MIPOL1: variants seen among roughly 807,000 people sequenced by gnomAD.
MIPOL1 encodes the protein mirror-image polydactyly 1, also known as mirror-image polydactyly gene 1 protein.
A neutral mutation model predicts 60.9 loss-of-function variants in MIPOL1; 57 were observed. That is an observed-to-expected ratio of 0.94 (90% CI 0.76 to 1.17). The LOEUF (loss-of-function observed/expected upper bound fraction) is 1.17. Among genes scored for constraint, MIPOL1 ranks in the 50% most tolerant of loss-of-function variants. MIPOL1 has a pLI of 0.00. For synonymous variants in MIPOL1, 179 were observed against 168.8 expected, an observed-to-expected ratio of 1.06 and a Z score of -0.47; for missense variants, 551 against 511.6, an observed-to-expected ratio of 1.08 and a Z score of -0.74.
chr14:37,427,464 G>T (rs1438857465), intron 11 of MIPOL1, among the ~76,000 whole-genome samples: 1 of 152,144 alleles, frequency 6.6e-6, no homozygotes, highest in Non-Finnish European at 1.5e-5. Context: ...CATAGAGTGG[G>T]ATGATGAAAA....
intron 1 of MIPOL1, among the ~76,000 whole-genome samples, chr14:37,204,256 T>G (rs1452945700): frequency 6.6e-6 from 1 of 152,212 alleles, no homozygotes; most frequent in Non-Finnish European, 1.5e-5. Flanking sequence ...TTTTAGCAAC[T>G]GTGAGATTGC....
At chr14:37,386,797 G>A (rs985331919) in intron 10 of MIPOL1, among the ~76,000 whole-genome samples, 2 of 151,904 alleles carry the variant, frequency 1.3e-5, no homozygotes, top group African/African-American at 4.8e-5. Context: ...GTGTTAAAAG[G>A]CATAAAGCAA....
intron 12 of MIPOL1, among the ~76,000 whole-genome samples, chr14:37,514,203 C>T (rs2095351297): frequency 1.3e-5 from 2 of 152,020 alleles, no homozygotes; most frequent in South Asian, 2.1e-4. Context: ...TTCTTTTGTT[C>T]TTAGCTGCAG....
intron 10 of MIPOL1, chr14:37,401,984 A>AT (rs1566530294): frequency 3.3e-5 from 5 of 152,042 alleles, no homozygotes; most frequent in Admixed American, 2.6e-4. Context: ...TTGCTTTAAA[A>AT]TTTTTTCCTT....
At chr14:37,523,936 T>TTC (rs2095430114) in intron 12 of MIPOL1, among the ~76,000 whole-genome samples, 1 of 152,246 alleles carries the variant, frequency 6.6e-6, no homozygotes, top group South Asian at 2.1e-4. Context: ...AGAAAAAGCC[T>TTC]TCTGTATGGA....
At chr14:37,401,106 T>A (rs575366868) in intron 10 of MIPOL1, 2 of 152,022 alleles carry the variant, frequency 1.3e-5, no homozygotes, top group South Asian at 4.1e-4. Flanking sequence ...GACAAAAATA[T>A]AAATAATGAT....
At chr14:37,379,559 A>G (rs1041856072) in intron 10 of MIPOL1, among the ~76,000 whole-genome samples, 2 of 152,132 alleles carry the variant, frequency 1.3e-5, no homozygotes, top group African/African-American at 4.8e-5. Context: ...TTTACAAATC[A>G]TATATCTGGC....
intron 10 of MIPOL1, among the ~76,000 whole-genome samples, chr14:37,412,472 T>A (rs2093695332): frequency 6.6e-6 from 1 of 152,136 alleles, no homozygotes; most frequent in Admixed American, 6.6e-5. Flanking sequence ...CATTATATAC[T>A]GTACAGCAAT....
chr14:37,297,361 A>C (rs763442545), intron 7 of MIPOL1, among the ~76,000 whole-genome samples: 1 of 152,202 alleles, frequency 6.6e-6, no homozygotes, highest in Non-Finnish European at 1.5e-5. Flanking sequence ...CTGAATGAAC[A>C]AAAACTGGAA....
At chr14:37,434,663 T>A (rs1200829085) in intron 11 of MIPOL1, 2 of 152,050 alleles carry the variant, frequency 1.3e-5, no homozygotes, top group African/African-American at 4.8e-5. Flanking sequence ...TCGCCTCGAC[T>A]TCCCAGTGTT....
chr14:37,535,053 CTA>C (rs2095499826), intron 12 of MIPOL1, among the ~76,000 whole-genome samples: 1 of 152,012 alleles, frequency 6.6e-6, no homozygotes, highest in Admixed American at 6.5e-5. Flanking sequence ...TAATTATTCT[CTA>C]TGTTCTCATT....
chr14:37,494,686 TA>T (rs1566712971), intron 11 of MIPOL1, among the ~76,000 whole-genome samples: 1 of 152,128 alleles, frequency 6.6e-6, no homozygotes, highest in Non-Finnish European at 1.5e-5. Flanking sequence ...TTTGTATCAG[TA>T]AAAAAAGGAA....
Position 37,253,118 on chromosome 14 carries a change from A to G in MIPOL1, c.19+5211A>G, listed in dbSNP as rs186148165. On this transcript the variant is annotated intron_variant, in intron 3 of 12. Transcript: ENST00000684589. Reference sequence around the variant, plus strand: ...AAGTAATGGTATATTTTTCATGAAGAAGAAATATAGTTAGTGGTTTTAGCT... The same window carrying G: ...AAGTAATGGTATATTTTTCATGAAGGAGAAATATAGTTAGTGGTTTTAGCT... 1.7e-3 allele frequency among the ~76,000 whole-genome samples: 258 copies of G among 151,946 alleles called. 5 individuals are homozygous for G. The highest frequency in any genetic ancestry group is 4.7e-4 in the Non-Finnish European group (32 of 67,778).
chr14:37,426,295 T>C (rs1466764164), intron 11 of MIPOL1, among the ~76,000 whole-genome samples: 1 of 151,670 alleles, frequency 6.6e-6, no homozygotes, highest in Non-Finnish European at 1.5e-5. Flanking sequence ...TCCAACCCCC[T>C]ACATAAAGTA....
chr14:37,261,033 C>T (rs973025953), intron 3 of MIPOL1, among the ~76,000 whole-genome samples: 1 of 151,920 alleles, frequency 6.6e-6, no homozygotes, highest in African/African-American at 2.4e-5. Flanking sequence ...TCCTGAATGT[C>T]AAGATTTCTA....
intron 12 of MIPOL1, among the ~76,000 whole-genome samples, chr14:37,539,761 G>A (rs2095522386): frequency 6.6e-6 from 1 of 152,122 alleles, no homozygotes; most frequent in African/African-American, 2.4e-5. Context: ...GAGCCAATGA[G>A]GCTCTCTATG....
chr14:37,405,609 T>C (rs970865133), intron 10 of MIPOL1, among the ~76,000 whole-genome samples: 3 of 152,066 alleles, frequency 2.0e-5, no homozygotes, highest in Non-Finnish European at 4.4e-5. Context: ...ATAAGATATT[T>C]GCTGGCTTGG....
At chr14:37,506,156 C>T (rs868155250) in intron 12 of MIPOL1, 3 of 152,082 alleles carry the variant, frequency 2.0e-5, no homozygotes, top group East Asian at 1.9e-4. Flanking sequence ...TAATCAATAT[C>T]GTGAAAATGG....
At chr14:37,329,053 GT>G (rs556111113) in intron 9 of MIPOL1, among the ~76,000 whole-genome samples, 121 of 151,282 alleles carry the variant, frequency 8.0e-4, no homozygotes, top group Admixed American at 2.4e-3. Context: ...ATTATACTTT[GT>G]TTTTTTTTAT....
Sources: gnomAD v4.1 joint callset for allele counts (sites outside exome capture counted in the v4.1 genomes callset) on GRCh38, gnomAD v4.1.1 for gene constraint, MANE v1.5 for transcripts, NCBI Gene and HGNC (gene_info 2026-07-23, HGNC 2026-07-21) for gene names.